Variants in RPS6KC1 observed in about 807,000 individuals in gnomAD.
RPS6KC1 encodes ribosomal protein S6 kinase C1, also known as inactive ribosomal protein S6 kinase delta-1.
RPS6KC1 carries 54 observed loss-of-function variants against 103.8 expected under a neutral mutation model. The ratio of observed to expected loss-of-function variants is 0.52; its 90% CI spans 0.42 to 0.65. The LOEUF (loss-of-function observed/expected upper bound fraction) is 0.65. Ranked by LOEUF, RPS6KC1 falls within the 30% of genes least tolerant of loss-of-function variation. The pLI is 0.00. For synonymous variants in RPS6KC1, 439 were observed against 438.7 expected (o/e 1.00, Z -0.01); for missense variants, 1,151 against 1,253.8 (o/e 0.92, Z 1.24).
chr1:213,138,265 A>G (rs754779375), intron 6 of RPS6KC1, among the ~76,000 whole-genome samples: 12 of 152,052 alleles, frequency 7.9e-5, no homozygotes, highest in Non-Finnish European at 1.5e-4. Flanking sequence ...TGTACTTTAT[A>G]GCACTTTGCA....
At chr1:213,677,023 G>C in the RPS6KC1 span, among the ~76,000 whole-genome samples, 882 of 152,322 alleles carry the variant, frequency 5.8e-3, 9 homozygotes, top group Non-Finnish European at 9.3e-3. Context: ...AGAGAGGACA[G>C]AAATTGGCAT....
intron 8 of RPS6KC1, among the ~76,000 whole-genome samples, chr1:213,204,092 T>A (rs1192851790): frequency 1.3e-5 from 2 of 152,208 alleles, no homozygotes; most frequent in Admixed American, 6.5e-5. Flanking sequence ...GCATAGTACT[T>A]CTTAAACTGT....
At chr1:213,416,816 C>T in the RPS6KC1 span, among the ~76,000 whole-genome samples, 2 of 152,146 alleles carry the variant, frequency 1.3e-5, no homozygotes, top group African/African-American at 4.8e-5. Flanking sequence ...CCTGCCATGC[C>T]CTTGAAGAGG....
chr1:213,567,096 G>A, the RPS6KC1 span, among the ~76,000 whole-genome samples: 6 of 152,118 alleles, frequency 3.9e-5, no homozygotes, highest in Non-Finnish European at 8.8e-5. Flanking sequence ...ATGGGTCTTA[G>A]TCACTTTTTA....
At chr1:213,265,896 G>A (rs1241710157) in intron 14 of RPS6KC1, among the ~76,000 whole-genome samples, 1 of 152,214 alleles carries the variant, frequency 6.6e-6, no homozygotes, top group African/African-American at 2.4e-5. Context: ...CAGAATGCTT[G>A]AATTCAAATC....
the RPS6KC1 span, among the ~76,000 whole-genome samples, chr1:213,757,668 G>A: frequency 1.1e-4 from 17 of 152,250 alleles, no homozygotes; most frequent in Admixed American, 3.9e-4. Context: ...AATGATGAAG[G>A]GGGCTGCAAT....
chr1:213,400,833 A>T, the RPS6KC1 span, among the ~76,000 whole-genome samples: 242 of 151,332 alleles, frequency 1.6e-3, no homozygotes, highest in Non-Finnish European at 2.9e-3. Context: ...CGGCCTCCTG[A>T]GTAGCTGGGA....
the RPS6KC1 span, among the ~76,000 whole-genome samples, chr1:213,389,464 A>C: frequency 6.6e-6 from 1 of 152,164 alleles, no homozygotes; most frequent in Admixed American, 6.5e-5. Flanking sequence ...CGGCGGATTT[A>C]TCAGCGCAGC....
At chr1:213,090,989 G>T (rs2080906695) in intron 3 of RPS6KC1, among the ~76,000 whole-genome samples, 1 of 152,162 alleles carries the variant, frequency 6.6e-6, no homozygotes, top group African/African-American at 2.4e-5. Context: ...AGCCTGTTGA[G>T]ATATGTTATT....
chr1:213,680,224 C>A, the RPS6KC1 span, among the ~76,000 whole-genome samples: 1 of 152,084 alleles, frequency 6.6e-6, no homozygotes, highest in African/African-American at 2.4e-5. Context: ...AAGAGAAGTA[C>A]CCCTGAAGCT....
chr1:213,755,338 C>G, the RPS6KC1 span, among the ~76,000 whole-genome samples: 1 of 152,216 alleles, frequency 6.6e-6, no homozygotes, highest in Non-Finnish European at 1.5e-5. Flanking sequence ...CCTAAGTACT[C>G]TTGTCTCACG....
the RPS6KC1 span, among the ~76,000 whole-genome samples, chr1:213,392,082 A>G: frequency 7.3e-3 from 1,105 of 152,240 alleles, 15 homozygotes; most frequent in African/African-American, 0.025. Context: ...CTTTTGGTGA[A>G]TTGGTAGGCA....
the RPS6KC1 span, among the ~76,000 whole-genome samples, chr1:213,533,447 T>G: frequency 1.3e-5 from 2 of 151,924 alleles, no homozygotes; most frequent in African/African-American, 4.9e-5. Context: ...ATTTGTGGGT[T>G]CTTGTGATCT....
chr1:213,216,455 A>G (rs1394426323), intron 8 of RPS6KC1, among the ~76,000 whole-genome samples: 1 of 152,242 alleles, frequency 6.6e-6, no homozygotes, highest in African/African-American at 2.4e-5. Flanking sequence ...AACATTAGAC[A>G]GATCAACAAG....
intron 6 of RPS6KC1, among the ~76,000 whole-genome samples, chr1:213,159,525 C>T (rs748746954): frequency 2.0e-5 from 3 of 152,104 alleles, no homozygotes; most frequent in Admixed American, 6.6e-5. Context: ...TTACAGTTGA[C>T]GAAGCATGGA....
rs538650526 is a variant in RPS6KC1 at position 213,187,552 on chromosome 1, C to A, written c.1044+11060C>A. Among the ~76,000 whole-genome samples the A allele has an allele frequency of 1.4e-4, 21 of 151,864 alleles. 1 individual carries two copies. Among genetic ancestry groups the A allele is most frequent in the African/African-American group, 5.1e-4 (21 of 41,448 alleles). On this transcript the variant is annotated intron_variant, in intron 8 of 14. Transcript: ENST00000366960. The stretch of plus-strand genomic sequence containing the variant: ...TGAGCCACTGTGCCTGGCCTAATTT[C>A]TTTTTTAAAATTTCTTTGATAAATT...
At chr1:213,658,972 T>TC in the RPS6KC1 span, among the ~76,000 whole-genome samples, 11 of 152,118 alleles carry the variant, frequency 7.2e-5, no homozygotes, top group Non-Finnish European at 1.5e-4. Flanking sequence ...TTCTTTTTTT[T>TC]CTTTTTTTTT....
chr1:213,070,695 C>T (rs1473781194), intron 1 of RPS6KC1, among the ~76,000 whole-genome samples: 2 of 152,138 alleles, frequency 1.3e-5, no homozygotes, highest in African/African-American at 2.4e-5. Context: ...TGGTGATTGG[C>T]GCCAGAGTAG....
intron 2 of RPS6KC1, among the ~76,000 whole-genome samples, chr1:213,075,340 G>T (rs1219579176): frequency 6.6e-6 from 1 of 152,062 alleles, no homozygotes; most frequent in Non-Finnish European, 1.5e-5. Flanking sequence ...AATGTCGTAT[G>T]ATTGTAATTT....
Sources: gnomAD v4.1 joint callset for allele counts (sites outside exome capture counted in the v4.1 genomes callset) on GRCh38, gnomAD v4.1.1 for gene constraint, MANE v1.5 for transcripts, NCBI Gene and HGNC (gene_info 2026-07-23, HGNC 2026-07-21) for gene names.